Variants in DCAF11 observed in about 807,000 individuals in gnomAD.
The protein encoded by DCAF11 is DDB1 and CUL4 associated factor 11.
DCAF11 carries 44 observed loss-of-function variants against 76.1 expected under a neutral mutation model. That is an observed-to-expected ratio of 0.58 (90% CI 0.45 to 0.74). DCAF11 has a LOEUF of 0.74. Ranked by LOEUF, DCAF11 falls within the 30% of genes least tolerant of loss-of-function variation. The pLI, the probability that DCAF11 is intolerant of heterozygous loss-of-function variation, is 0.00. For synonymous variants in DCAF11, 258 were observed against 255.0 expected (o/e 1.01, Z -0.11); for missense variants, 604 against 709.4 (o/e 0.85, Z 1.69).
At chr14:24,118,893 T>G (rs1049020646) in intron 8 of DCAF11, 89 bp downstream of exon 8, 1 of 1,476,314 alleles carries the variant, frequency 6.8e-7, no homozygotes, top group Admixed American at 1.7e-5. Flanking sequence ...AAGTTCTGTT[T>G]AGGGGAAAAA....
Position 24,115,439 on chromosome 14 carries a change from G to C in DCAF11, c.-156G>C. On this transcript the variant is annotated 5_prime_UTR_variant, in exon 2 of 15. Transcript: ENST00000446197. ...GTAGTTGGCATAGGCTAAAGAAAAG[G>C]GATCTCAGCCCCGAGGAAGGGTCAC... 1.9e-6 allele frequency: 2 copies of C among 1,063,078 alleles called. No individual in the cohort carries two copies. The highest frequency in any genetic ancestry group is 2.6e-6 in the Non-Finnish European group (2 of 760,808). 65.9% of individuals were successfully genotyped at this position (1,063,078 alleles called of 1,614,324 possible). A position where few individuals can be genotyped will look rare whatever the true frequency, so the allele number is the denominator to read the frequency against.
chr14:24,119,463 C>T, intron 9 of DCAF11, 96 bp from the exon 10 acceptor site: 1 of 1,488,168 alleles, frequency 6.7e-7, no homozygotes, highest in Non-Finnish European at 9.4e-7. Context: ...GGGCTTGACC[C>T]AGAGCAGGAT....
intron 2 of DCAF11, among the ~76,000 whole-genome samples, chr14:24,116,506 A>T (rs188927822): frequency 2.6e-5 from 4 of 152,252 alleles, no homozygotes; most frequent in Admixed American, 2.6e-4. Flanking sequence ...AGTTGCACAC[A>T]CCACCGCACC....
Position 24,119,150 on chromosome 14 carries a change from A to T in DCAF11, c.785A>T (p.Asp262Val). 1.2e-6 allele frequency: 2 copies of T among 1,614,226 alleles called. No individual in the cohort carries two copies. The highest frequency in any genetic ancestry group is 1.7e-6 in the Non-Finnish European group (2 of 1,180,026). The stretch of plus-strand genomic sequence containing the variant: ...CAGCTCCTTCTTGCTTTTAGGCCAG[A>T]TGAGCGTCGCTTTGCTGTCTTCTCC... Reference protein sequence around the residue: ...DTHTALDLRPDERRFAVFSIA... With the variant: ...DTHTALDLRPVERRFAVFSIA... The change falls in exon 9 of 15, where the codon GAT becomes GTT. Residue 262 changes from aspartate to valine, a missense_variant. Coordinates refer to ENST00000446197, the MANE Select transcript of DCAF11 (RefSeq NM_025230.5).
chr14:24,119,651 T>C, intron 10 of DCAF11, 35 bp downstream of exon 10: 1 of 1,614,044 alleles, frequency 6.2e-7, no homozygotes, highest in African/African-American at 1.3e-5. Flanking sequence ...TGCCTCCTGG[T>C]TTTTGGCTTT....
intron 14 of DCAF11, 44 bp from the exon 15 acceptor site, chr14:24,123,131 T>G (rs2037722144): frequency 1.2e-6 from 2 of 1,613,970 alleles, no homozygotes; most frequent in Middle Eastern, 1.6e-4. Context: ...TGGACTTGGG[T>G]GGGGGCAGCA....
intron 6 of DCAF11, 38 bp from the exon 7 acceptor site, chr14:24,118,350 A>G: frequency 6.2e-7 from 1 of 1,611,686 alleles, no homozygotes; most frequent in Non-Finnish European, 8.5e-7. Flanking sequence ...GTTACAAGGA[A>G]ACTGTCCCAT....
chr14:24,117,748 G>C lies in DCAF11; in HGVS notation c.476+16G>C. ...TGATATCTCAGTGAGTATGGGGCTTGGTGAAGAGACTCTAAGGGCCAGATA... is the reference window on the plus strand; with the variant it reads ...TGATATCTCAGTGAGTATGGGGCTTCGTGAAGAGACTCTAAGGGCCAGATA... On this transcript the variant is annotated intron_variant, in intron 5 of 14. Transcript: ENST00000446197. This position sits in a 1 kb window ranked among gnomAD's most constrained non-coding sequence, Gnocchi z 4.3. The C allele has an allele frequency of 6.2e-7, 1 of 1,613,000 alleles. No individual in the cohort carries two copies. The highest frequency in any genetic ancestry group is 2.2e-5 in the East Asian group (1 of 44,848).
At position 24,124,704 on chromosome 14, in the gene DCAF11, G is replaced by A. The variant is rs974085450; in HGVS notation, c.*1395G>A. On this transcript the variant is annotated 3_prime_UTR_variant, in exon 15 of 15. Coordinates refer to ENST00000446197, the MANE Select transcript of DCAF11 (RefSeq NM_025230.5). Reference sequence around the variant, plus strand: ...ATGGATCGCTTGAGCCCAGGAGTTTGAGACCAGCCTGGGCAACATGGCAAA... The same window carrying A: ...ATGGATCGCTTGAGCCCAGGAGTTTAAGACCAGCCTGGGCAACATGGCAAA... The A allele has an allele frequency of 6.6e-6, 1 of 152,336 alleles. No homozygotes were observed. The highest frequency in any genetic ancestry group is 1.5e-5 in the Non-Finnish European group (1 of 68,180). The allele number at this position is 152,336 out of a possible 1,614,324, so 9.4% of individuals were successfully genotyped here. A position where few individuals can be genotyped will look rare whatever the true frequency, so the allele number is the denominator to read the frequency against.
At position 24,117,466 on chromosome 14, in the gene DCAF11, A is replaced by G. The variant is rs2037604066; in HGVS notation, c.411+73A>G. On this transcript the variant is annotated intron_variant, in intron 4 of 14. Transcript: ENST00000446197. This position sits in a 1 kb window ranked among gnomAD's most constrained non-coding sequence, Gnocchi z 4.3. The stretch of plus-strand genomic sequence containing the variant: ...CAGAAGCTCTGCCAGCCCCAGAGAA[A>G]AAGGAAGTCAACTTTCCAAAGTAGA... 6.3e-7 allele frequency: 1 copy of G among 1,598,050 alleles called. No homozygotes were observed.
intron 11 of DCAF11, among the ~76,000 whole-genome samples, chr14:24,120,350 A>C (rs547623385): frequency 1.3e-5 from 2 of 152,226 alleles, no homozygotes; most frequent in East Asian, 3.9e-4. Flanking sequence ...AGGTCAGGAG[A>C]TCGAGACCAT....
chr14:24,120,098 T>A (rs2037661186), intron 11 of DCAF11, among the ~76,000 whole-genome samples: 1 of 152,088 alleles, frequency 6.6e-6, no homozygotes, highest in Non-Finnish European at 1.5e-5. Context: ...GGCAGGGCTT[T>A]CCGTACAAGA....
chr14:24,119,481 T>C (rs543366852), intron 9 of DCAF11, 78 bp from the exon 10 acceptor site: 32 of 1,552,626 alleles, frequency 2.1e-5, no homozygotes, highest in Non-Finnish European at 2.8e-5. Flanking sequence ...GATTTCTCAG[T>C]GGAACTCTCT....
At position 24,123,778 on chromosome 14, in the gene DCAF11, G is replaced by GTGTTTCCTCAGCACCCTCC. The variant is rs1309895843; in HGVS notation, c.*472_*490dup. ...CTCTAGGGGAGGGGCATGGGTAAGG[G>GTGTTTCCTCAGCACCCTCC]TGTTTCCTCAGCACCCTCCTGGGGT... On this transcript the variant is annotated 3_prime_UTR_variant, in exon 15 of 15. Transcript: ENST00000446197. 1 of 154,564 alleles carries GTGTTTCCTCAGCACCCTCC rather than the reference G, an allele frequency of 6.5e-6. No homozygotes were observed. The highest frequency in any genetic ancestry group is 6.5e-5 in the Admixed American group (1 of 15,426). 9.6% of individuals were successfully genotyped at this position (154,564 alleles called of 1,614,324 possible). A position where few individuals can be genotyped will look rare whatever the true frequency, so the allele number is the denominator to read the frequency against.
At chr14:24,118,225 A>C in intron 6 of DCAF11, 70 bp downstream of exon 6, 1 of 1,565,568 alleles carries the variant, frequency 6.4e-7, no homozygotes, top group Non-Finnish European at 8.8e-7. Context: ...TGAGGCTAGA[A>C]AGCCACAGAC....
rs1173364704 is a variant in DCAF11 at position 24,121,323 on chromosome 14, G to A, written c.1247-42G>A. 6 of 1,612,120 alleles carry A rather than the reference G, an allele frequency of 3.7e-6. No homozygotes were observed. The South Asian group carries it at 6.6e-5, about 18-fold the overall frequency. On this transcript the variant is annotated intron_variant, in intron 12 of 14. Transcript: ENST00000446197. ...ACTGGTGGTACGAAACAATCCCAAA[G>A]CAGATTTCCTAACCTAGGGTTTACT...
chr14:24,115,917 A>G (rs1370246793), intron 2 of DCAF11, among the ~76,000 whole-genome samples, 168 bp downstream of exon 2: 4 of 152,122 alleles, frequency 2.6e-5, no homozygotes, highest in African/African-American at 9.7e-5. Context: ...TCAGCTCCAT[A>G]CCCAGTAAGA....
chr14:24,114,858 C>A lies in DCAF11; in HGVS notation c.-649C>A, dbSNP rs2037503196. 1.0e-6 allele frequency: 1 copy of A among 985,812 alleles called. No homozygotes were observed. The highest frequency in any genetic ancestry group is 1.7e-5 in the African/African-American group (1 of 57,248). The allele number at this position is 985,812 out of a possible 1,614,324, so 61.1% of individuals were successfully genotyped here. A position where few individuals can be genotyped will look rare whatever the true frequency, so the allele number is the denominator to read the frequency against. On this transcript the variant is annotated 5_prime_UTR_variant, in exon 1 of 15. Coordinates refer to ENST00000446197, the MANE Select transcript of DCAF11 (RefSeq NM_025230.5). ...GCGTGACGGAGGAGCGGTTGGCCAA[C>A]GCAGTGGCGGCAGTCGGTGTAAACA...
Position 24,118,086 on chromosome 14 carries a change from A to T in DCAF11, c.508A>T (p.Ser170Cys), listed in dbSNP as rs770898555. The T allele has an allele frequency of 3.1e-6, 5 of 1,612,236 alleles. No individual in the cohort carries two copies. The South Asian group carries it at 4.4e-5, about 14-fold the overall frequency. Residue 170 changes from serine (S) to cysteine (C), a missense_variant, in exon 6 of 15, where the codon AGC (serine) becomes TGC (cysteine). Ser to Cys is a moderately radical substitution (Grantham distance 112). Transcript: ENST00000446197. ...GCCCAATGATCTGGGCTTCACTGAT[A>T]GCTACTCTCAGAAGGCTTTCTGTGG... The part of the protein sequence containing the change: ...FLPNDLGFTD[S>C]YSQKAFCGIY...
Sources: allele counts gnomAD v4.1 joint callset (sites outside exome capture counted in the v4.1 genomes callset), GRCh38; gene constraint gnomAD v4.1.1; non-coding constraint Gnocchi (gnomAD v3.1); transcripts MANE v1.5; gene names NCBI Gene and HGNC (gene_info 2026-07-23, HGNC 2026-07-21).